Variants in NOTCH2 observed in about 807,000 individuals in gnomAD.
The protein encoded by NOTCH2 is neurogenic locus notch homolog protein 2.
In NOTCH2, 29 loss-of-function variants were observed where a neutral mutation model predicts 235.8. The ratio of observed to expected loss-of-function variants is 0.12; its 90% CI spans 0.09 to 0.17. The LOEUF (loss-of-function observed/expected upper bound fraction) is 0.17, where lower values mean the gene tolerates loss of function less well. Ranked by LOEUF, NOTCH2 falls within the 10% of genes least tolerant of loss-of-function variation. The pLI, the probability that NOTCH2 is intolerant of heterozygous loss-of-function variation, is 1.00. For synonymous variants in NOTCH2, 1,086 were observed against 1,141.5 expected (o/e 0.95, Z 0.98); for missense variants, 2,285 against 3,150.2 (o/e 0.73, Z 6.57).
At chr1:120,069,164 G>A (rs1348658589) in intron 1 of NOTCH2, 170 bp downstream of exon 1, 14 of 1,527,364 alleles carry the variant, frequency 9.2e-6, no homozygotes, top group South Asian at 2.4e-5. Flanking sequence ...GGGGCACCAC[G>A]GGAGGGGCCC....
intron 5 of NOTCH2, among the ~76,000 whole-genome samples, chr1:119,984,565 A>G (rs1235772521): frequency 6.6e-6 from 1 of 152,328 alleles, no homozygotes; most frequent in East Asian, 1.9e-4. Context: ...AACACAGAAA[A>G]GACTAATCTG....
intron 17 of NOTCH2, among the ~76,000 whole-genome samples, chr1:119,942,924 G>A (rs1246489621): frequency 1.4e-5 from 2 of 146,546 alleles, no homozygotes; most frequent in African/African-American, 5.1e-5. Context: ...CCCGGCTGGA[G>A]TGCAGTGGCA....
chr1:119,973,202 C>A (rs1651434071), intron 5 of NOTCH2, among the ~76,000 whole-genome samples: 1 of 152,160 alleles, frequency 6.6e-6, no homozygotes, highest in African/African-American at 2.4e-5. Flanking sequence ...CACATTTCTA[C>A]AAATTCACAT....
Position 119,922,236 on chromosome 1 carries a change from T to G in NOTCH2, c.5213A>C (p.Lys1738Thr). Residue 1738 changes from lysine (K) to threonine (T), a missense_variant and splice_region_variant, in exon 28 of 34, where the codon AAA becomes ACA. By Grantham distance (78) the Lys-to-Thr change is moderately conservative. This residue lies in a region of NOTCH2 where 1,173 missense variants were observed against 1,515.3 expected (regional missense o/e 0.77). Coordinates refer to ENST00000256646, the MANE Select transcript of NOTCH2 (RefSeq NM_024408.4). ...EPVGQDAVGL[K>T]NLSVQVSEAN... ...GTGGCTTATTGGCAATGCCTCTTAC[T>G]TCAGCCCCACAGCATCCTGTCCCAC... 1 of 1,613,792 alleles carries G rather than the reference T, an allele frequency of 6.2e-7. No homozygotes were observed. The highest frequency in any genetic ancestry group is 8.5e-7 in the Non-Finnish European group (1 of 1,179,874).
At position 119,915,380 on chromosome 1, in the gene NOTCH2, C is replaced by A. The variant is rs764210725; in HGVS notation, c.7342G>T (p.Ala2448Ser). 7.4e-6 allele frequency: 12 copies of A among 1,614,072 alleles called. No individual in the cohort carries two copies. In the East Asian group the frequency reaches 2.0e-4, roughly 27 times the overall value. The change falls in exon 34 of 34, where the codon GCT becomes TCT. Residue 2448 changes from alanine to serine, a missense_variant. This residue lies in a region of NOTCH2 where 504 missense variants were observed against 538.0 expected (regional missense o/e 0.94). Transcript: ENST00000256646. ...CCAGGTCCCCGCTGACCTCCTCCAG[C>A]ACCCCCAGGGGTAGGGCTGGTGGTC... Reference protein sequence around the residue: ...DVTTSPTPGGAGGGQRGPGTH... With the variant: ...DVTTSPTPGGSGGGQRGPGTH...
chr1:119,937,745 CACT>C (rs1340627514), intron 20 of NOTCH2, 109 bp downstream of exon 20: 1 of 1,206,000 alleles, frequency 8.3e-7, no homozygotes, highest in African/African-American at 1.5e-5. Flanking sequence ...CCTGCCCACC[CACT>C]ACTATCTGCC....
At chr1:119,950,139 C>T (rs1269547027) in intron 15 of NOTCH2, 1 of 292,166 alleles carries the variant, frequency 3.4e-6, no homozygotes, top group Admixed American at 4.8e-5. Flanking sequence ...TGTAGCGGTA[C>T]TGAATGTGGG....
chr1:119,929,752 T>A (rs1553194890), intron 22 of NOTCH2, among the ~76,000 whole-genome samples: 1 of 152,190 alleles, frequency 6.6e-6, no homozygotes, highest in Non-Finnish European at 1.5e-5. Flanking sequence ...ATAAATTCAG[T>A]GTAGCTTAGG....
chr1:119,969,650 G>T lies in NOTCH2; in HGVS notation c.969C>A (p.Gly323=), dbSNP rs781793200. ...CACTCCAGCCGTTGACACATACACA[G>T]CCATAGCCTCCATTGCGGTTGGCAC... The part of the protein sequence containing the change: ...GTCANRNGGY[G]CVCVNGWSGD... Residue 323 remains glycine, a synonymous_variant, in exon 6 of 34, where the codon GGC becomes GGA. Coordinates refer to ENST00000256646, the MANE Select transcript of NOTCH2 (RefSeq NM_024408.4). 6.2e-7 allele frequency: 1 copy of T among 1,613,982 alleles called. No individual in the cohort carries two copies. The highest frequency in any genetic ancestry group is 1.3e-5 in the African/African-American group (1 of 74,910).
chr1:119,955,624 G>A (rs1377580665), intron 12 of NOTCH2, among the ~76,000 whole-genome samples: 6 of 152,202 alleles, frequency 3.9e-5, no homozygotes, highest in Non-Finnish European at 8.8e-5. Flanking sequence ...TGCCGGTTTA[G>A]CACAAATTCA....
At chr1:119,917,043 T>G (rs1326439458) in intron 33 of NOTCH2, among the ~76,000 whole-genome samples, 1 of 151,836 alleles carries the variant, frequency 6.6e-6, no homozygotes, top group Non-Finnish European at 1.5e-5. Flanking sequence ...GAAAAGGAGT[T>G]AGAAATAAGA....
At chr1:119,932,856 A>C (rs1474480195) in intron 22 of NOTCH2, among the ~76,000 whole-genome samples, 4 of 152,300 alleles carry the variant, frequency 2.6e-5, no homozygotes, top group Non-Finnish European at 4.4e-5. Context: ...AGAAACACAA[A>C]CAACCAAAAG....
chr1:119,965,390 G>T, intron 10 of NOTCH2, 63 bp downstream of exon 10: 2 of 1,243,320 alleles, frequency 1.6e-6, no homozygotes, highest in South Asian at 1.2e-5. Context: ...AGAGGACAGG[G>T]ACAATCACCC....
chr1:119,967,903 G>A (rs1651206684), intron 7 of NOTCH2, among the ~76,000 whole-genome samples, 174 bp downstream of exon 7: 1 of 152,302 alleles, frequency 6.6e-6, no homozygotes, highest in South Asian at 2.1e-4. Context: ...CCCCAGAATG[G>A]AATATATGGT....
intron 33 of NOTCH2, 88 bp downstream of exon 33, chr1:119,917,577 C>T: frequency 1.1e-6 from 1 of 906,736 alleles, no homozygotes; most frequent in East Asian, 2.4e-5. Context: ...ATACATATAA[C>T]AAGAGAAGCT....
intron 1 of NOTCH2, among the ~76,000 whole-genome samples, chr1:120,060,456 T>A (rs587685402): frequency 1.3e-5 from 2 of 148,890 alleles, no homozygotes; most frequent in South Asian, 4.2e-4. Flanking sequence ...ACTAAATATA[T>A]ATATATATAT....
At chr1:119,952,287 T>C (rs1650508617) in intron 14 of NOTCH2, among the ~76,000 whole-genome samples, 1 of 152,194 alleles carries the variant, frequency 6.6e-6, no homozygotes, top group African/African-American at 2.4e-5. Context: ...TGGAAGACAA[T>C]TTTTCCATGA....
intron 12 of NOTCH2, among the ~76,000 whole-genome samples, chr1:119,956,053 TCATA>T (rs1319722760): frequency 6.6e-6 from 1 of 152,228 alleles, no homozygotes; most frequent in African/African-American, 2.4e-5. Context: ...CTTATCATCA[TCATA>T]CAATGTGGAT....
intron 3 of NOTCH2, among the ~76,000 whole-genome samples, chr1:120,000,095 C>T (rs1275003988): frequency 6.6e-6 from 1 of 152,080 alleles, no homozygotes; most frequent in Admixed American, 6.5e-5. Flanking sequence ...TGTATAGGCA[C>T]TAACTTGCTG....
Sources: allele counts gnomAD v4.1 joint callset (sites outside exome capture counted in the v4.1 genomes callset), GRCh38; gene constraint gnomAD v4.1.1; regional missense constraint gnomAD v4.1.1; transcripts MANE v1.5; gene names NCBI Gene and HGNC (gene_info 2026-07-23, HGNC 2026-07-21).